CABS1: variants seen among roughly 807,000 people sequenced by gnomAD.
CABS1 encodes the protein calcium binding protein, spermatid associated 1.
For missense variants in CABS1, 500 were observed against 464.3 expected (o/e 1.08, Z -0.71); for synonymous variants, 195 against 169.0 (o/e 1.15, Z -1.19).
rs1042426905 is a variant in CABS1, at chr4:70,336,178, C to G, written c.1139C>G (p.Thr380Arg). The change falls in exon 1 of 2, where the codon ACG becomes AGG. Residue 380 changes from threonine to arginine, a missense_variant. Transcript: ENST00000273936. ...AAGGAAGACACCTCCACAACTGAAACGGATATCTTTGAACTACTGAAAGAA... is the reference window on the plus strand; with the variant it reads ...AAGGAAGACACCTCCACAACTGAAAGGGATATCTTTGAACTACTGAAAGAA... ...DYKEDTSTTETDIFELLKEEP... is the reference protein window; with the variant it reads ...DYKEDTSTTERDIFELLKEEP... 1 of 1,612,510 alleles carries G rather than the reference C, an allele frequency of 6.2e-7. No homozygotes were observed. The highest frequency in any genetic ancestry group is 1.7e-5 in the Admixed American group (1 of 59,828).
Position 70,335,899 on chromosome 4 carries a change from C to T in CABS1, c.860C>T (p.Thr287Ile), listed in dbSNP as rs1241537379. 3 of 1,613,506 alleles carry T rather than the reference C, an allele frequency of 1.9e-6. No homozygotes were observed. Among genetic ancestry groups the T allele is most frequent in the South Asian group, 2.2e-5 (2 of 91,076 alleles). ...GATAAACGGGAAGATACTCTGCTAA[C>T]TGATGAAGAAACTACCGAGGGAGCC... Reference protein sequence around the residue: ...DKDKREDTLLTDEETTEGASI... With the variant: ...DKDKREDTLLIDEETTEGASI... Residue 287 changes from threonine (T) to isoleucine (I), a missense_variant, in exon 1 of 2, where the codon ACT becomes ATT. Physicochemically the swap from Thr to Ile is moderately conservative, Grantham distance 89. Coordinates refer to ENST00000273936, the MANE Select transcript of CABS1 (RefSeq NM_033122.4).
At chr4:70,336,509 A>G (rs868566594) in intron 1 of CABS1, among the ~76,000 whole-genome samples, 163 bp downstream of exon 1, 20 of 151,974 alleles carry the variant, frequency 1.3e-4, no homozygotes, top group African/African-American at 4.8e-4. Context: ...CCTAGCCTTC[A>G]GGGAGTATGA....
chr4:70,335,588 G>A lies in CABS1; in HGVS notation c.549G>A (p.Lys183=). ...ACGCTCCTGCCTTTCCACGTAAAAA[G>A]GATGAAGCTGATATGAGCAATTATA... ...VADAPAFPRK[K]DEADMSNYNS... Residue 183 remains lysine (K), a synonymous_variant, in exon 1 of 2, where the codon AAG becomes AAA. Coordinates refer to ENST00000273936, the MANE Select transcript of CABS1 (RefSeq NM_033122.4). The A allele has an allele frequency of 6.2e-7, 1 of 1,613,596 alleles. No homozygotes were observed. The highest frequency in any genetic ancestry group is 8.5e-7 in the Non-Finnish European group (1 of 1,179,754).
At position 70,335,471 on chromosome 4, in the gene CABS1, C is replaced by A. The variant is rs147094094; in HGVS notation, c.432C>A (p.Ile144=). ...DFSTDIAKED[I]LLATIDTGDA... ...CCACTGACATAGCAAAAGAAGATATCCTCTTAGCTACCATTGACACAGGAG... is the reference window on the plus strand; with the variant it reads ...CCACTGACATAGCAAAAGAAGATATACTCTTAGCTACCATTGACACAGGAG... The change falls in exon 1 of 2, where the codon ATC becomes ATA. Residue 144 remains isoleucine (I), a synonymous_variant. Coordinates refer to ENST00000273936, the MANE Select transcript of CABS1 (RefSeq NM_033122.4). The A allele has an allele frequency of 2.9e-4, 471 of 1,613,516 alleles. No individual in the cohort carries two copies. Among genetic ancestry groups the A allele is most frequent in the Non-Finnish European group, 3.8e-4 (446 of 1,179,756 alleles).
rs749516340 is a variant in CABS1, at chr4:70,335,155, C to A, written c.116C>A (p.Thr39Lys). The A allele has an allele frequency of 9.3e-6, 15 of 1,613,684 alleles. No homozygotes were observed. In the African/African-American group the frequency reaches 1.7e-4, roughly 19 times the overall value. Reference sequence around the variant, plus strand: ...GACAATGCTATTCCCAAATCAGAAACAACTATTACTTCAGAAGGAGACCAC... The same window carrying A: ...GACAATGCTATTCCCAAATCAGAAAAAACTATTACTTCAGAAGGAGACCAC... The part of the protein sequence containing the change: ...GADNAIPKSE[T>K]TITSEGDHVT... The change falls in exon 1 of 2, where the codon ACA (threonine) becomes AAA (lysine). Residue 39 changes from threonine to lysine, a missense_variant. Transcript: ENST00000273936.
In CABS1 at chr4:70,335,342, C is replaced by A. The variant is rs1458697286; in HGVS notation, c.303C>A (p.Gly101=). The A allele has an allele frequency of 6.2e-7, 1 of 1,613,734 alleles. No individual in the cohort carries two copies. Among genetic ancestry groups the A allele is most frequent in the Non-Finnish European group, 8.5e-7 (1 of 1,179,886 alleles). Residue 101 remains glycine (G), a synonymous_variant, in exon 1 of 2, where the codon GGC becomes GGA. Coordinates refer to ENST00000273936, the MANE Select transcript of CABS1 (RefSeq NM_033122.4). ...AGAAAGAAATTACCTCTCTGACTGG[C>A]ACTACAAACTCCATAACAAGAGACT... ...HLQKEITSLT[G]TTNSITRDSI...
Position 70,335,080 on chromosome 4 carries a change from CA to C in CABS1, c.43del (p.Thr15GlnfsTer37), listed in dbSNP as rs1398007506. The C allele has an allele frequency of 3.1e-6, 5 of 1,613,266 alleles. No homozygotes were observed. The highest frequency in any genetic ancestry group is 1.6e-4 in the Middle Eastern group (1 of 6,074). The stretch of plus-strand genomic sequence containing the variant: ...TTGCCCAAAATTTATTCTCATCCTC[CA>C]ACAGAAAGCAGTAAAACACCAACTG... ...DGLPKIYSHP[P>X]TESSKTPTAA... On this transcript the variant is annotated frameshift_variant, in exon 1 of 2. Coordinates refer to ENST00000273936, the MANE Select transcript of CABS1 (RefSeq NM_033122.4). LOFTEE classifies it low-confidence loss of function (END_TRUNC).
intron 1 of CABS1, 78 bp downstream of exon 1, chr4:70,336,424 A>C: frequency 3.0e-6 from 2 of 677,924 alleles, no homozygotes; most frequent in Non-Finnish European, 2.2e-6. Context: ...TAGAAAAAAA[A>C]ACCGCAGTGT....
chr4:70,336,799 C>T (rs1465661227), intron 1 of CABS1, among the ~76,000 whole-genome samples, 167 bp from the exon 2 acceptor site: 1 of 149,666 alleles, frequency 6.7e-6, no homozygotes, highest in Non-Finnish European at 1.5e-5. Flanking sequence ...ATGTAAGATA[C>T]ATAAGATTTA....
rs1731717857 is a variant in CABS1 at position 70,335,936 on chromosome 4, GGAGA to G, written c.902_905del (p.Arg301IlefsTer28). 1.2e-6 allele frequency: 2 copies of G among 1,613,442 alleles called. No homozygotes were observed. The highest frequency in any genetic ancestry group is 1.3e-5 in the African/African-American group (1 of 74,868). On this transcript the variant is annotated frameshift_variant, in exon 1 of 2. Transcript: ENST00000273936. LOFTEE classifies it low-confidence loss of function (END_TRUNC). The stretch of plus-strand genomic sequence containing the variant: ...CTACCGAGGGAGCCAGTATTTGGAT[GGAGA>G]GAGATACTGCAAATGAAGCAGAGAC...
At position 70,335,667 on chromosome 4, in the gene CABS1, T is replaced by C. The variant is rs1731708071; in HGVS notation, c.628T>C (p.Ser210Pro). The part of the protein sequence containing the change: ...PADEAVQVTD[S>P]TIPEAEIPPA... ...TGATGAGGCTGTCCAGGTCACTGAT[T>C]CCACTATTCCTGAGGCTGAAATCCC... Residue 210 changes from serine to proline, a missense_variant, in exon 1 of 2, where the codon TCC (serine) becomes CCC (proline). By Grantham distance (74) the Ser-to-Pro change is moderately conservative. Coordinates refer to ENST00000273936, the MANE Select transcript of CABS1 (RefSeq NM_033122.4). The C allele has an allele frequency of 1.2e-6, 2 of 1,613,470 alleles. No individual in the cohort carries two copies. The highest frequency in any genetic ancestry group is 2.7e-5 in the African/African-American group (2 of 74,864).
At position 70,336,121 on chromosome 4, in the gene CABS1, G is replaced by A; in HGVS notation, c.1082G>A (p.Gly361Glu). 6.2e-7 allele frequency: 1 copy of A among 1,613,054 alleles called. No homozygotes were observed. The highest frequency in any genetic ancestry group is 8.5e-7 in the Non-Finnish European group (1 of 1,179,458). ...TVPKITEPFS[G>E]TTSVLDTPDY... ...CCTAAGATCACTGAGCCATTTTCTG[G>A]AACTACCTCTGTATTAGATACCCCA... The change falls in exon 1 of 2, where the codon GGA becomes GAA. Residue 361 changes from glycine to glutamate, a missense_variant. Physicochemically the swap from Gly to Glu is moderately conservative, Grantham distance 98. Transcript: ENST00000273936.
chr4:70,335,774 T>A lies in CABS1; in HGVS notation c.735T>A (p.Ser245Arg). 1 of 1,613,578 alleles carries A rather than the reference T, an allele frequency of 6.2e-7. No individual in the cohort carries two copies. Among genetic ancestry groups the A allele is most frequent in the Non-Finnish European group, 8.5e-7 (1 of 1,179,712 alleles). ...AGAAAATAACCGAAATTGACCTAAG[T>A]GTTTTAGAAGATGACACCAGTGCTG... ...EEEKITEIDL[S>R]VLEDDTSAVA... Residue 245 changes from serine (S) to arginine (R), a missense_variant, in exon 1 of 2, where the codon AGT becomes AGA. Coordinates refer to ENST00000273936, the MANE Select transcript of CABS1 (RefSeq NM_033122.4).
Position 70,336,333 on chromosome 4 carries a change from T to G in CABS1, c.*106T>G. ...GCAAAAACCTTTAGAAATGAAAGAA[T>G]GTGGGCATTTAAGGCAAGTATTCGA... is the stretch of plus-strand genomic sequence containing the variant. On this transcript the variant is annotated 3_prime_UTR_variant, in exon 1 of 2. Coordinates refer to ENST00000273936, the MANE Select transcript of CABS1 (RefSeq NM_033122.4). The G allele has an allele frequency of 2.1e-6, 3 of 1,413,720 alleles. No individual in the cohort carries two copies. The highest frequency in any genetic ancestry group is 1.9e-6 in the Non-Finnish European group (2 of 1,070,926). 87.6% of individuals were successfully genotyped at this position (1,413,720 alleles called of 1,614,324 possible). A position where few individuals can be genotyped will look rare whatever the true frequency, so the allele number is the denominator to read the frequency against.
Position 70,336,096 on chromosome 4 carries a change from C to T in CABS1, c.1057C>T (p.Pro353Ser). 6.2e-7 allele frequency: 1 copy of T among 1,613,122 alleles called. No individual in the cohort carries two copies. Among genetic ancestry groups the T allele is most frequent in the Non-Finnish European group, 8.5e-7 (1 of 1,179,482 alleles). Residue 353 changes from proline (P) to serine (S), a missense_variant, in exon 1 of 2, where the codon CCT (proline) becomes TCT (serine). Transcript: ENST00000273936. ...LSETDNTETV[P>S]KITEPFSGTT... ...TGAAACTGATAATACAGAGACTGTA[C>T]CTAAGATCACTGAGCCATTTTCTGG...
chr4:70,336,737 T>G (rs958121877), intron 1 of CABS1, among the ~76,000 whole-genome samples: 4 of 152,058 alleles, frequency 2.6e-5, no homozygotes, highest in Non-Finnish European at 5.9e-5. Context: ...TTTAAAAAAT[T>G]TTTAATCCTC....
rs1450644788 is a variant in CABS1 at position 70,335,455 on chromosome 4, T to C, written c.416T>C (p.Ile139Thr). 3 of 1,613,562 alleles carry C rather than the reference T, an allele frequency of 1.9e-6. No individual in the cohort carries two copies. The highest frequency in any genetic ancestry group is 4.5e-5 in the East Asian group (2 of 44,854). Residue 139 changes from isoleucine (I) to threonine (T), a missense_variant, in exon 1 of 2, where the codon ATA (isoleucine) becomes ACA (threonine). Transcript: ENST00000273936. The stretch of plus-strand genomic sequence containing the variant: ...TCTTTAATAGATTTTTCCACTGACA[T>C]AGCAAAAGAAGATATCCTCTTAGCT... ...TVSLIDFSTDIAKEDILLATI... is the reference protein window; with the variant it reads ...TVSLIDFSTDTAKEDILLATI...
Position 70,336,154 on chromosome 4 carries a change from A to C in CABS1, c.1115A>C (p.Lys372Thr). 1 of 1,613,244 alleles carries C rather than the reference A, an allele frequency of 6.2e-7. No individual in the cohort carries two copies. The highest frequency in any genetic ancestry group is 8.5e-7 in the Non-Finnish European group (1 of 1,179,454). Residue 372 changes from lysine (K) to threonine (T), a missense_variant, in exon 1 of 2, where the codon AAG becomes ACG. Coordinates refer to ENST00000273936, the MANE Select transcript of CABS1 (RefSeq NM_033122.4). ...TTSVLDTPDY[K>T]EDTSTTETDI... ...TCTGTATTAGATACCCCAGACTATA[A>C]GGAAGACACCTCCACAACTGAAACG... is the stretch of plus-strand genomic sequence containing the variant.
chr4:70,335,745 G>A lies in CABS1; in HGVS notation c.706G>A (p.Glu236Lys). 6.2e-7 allele frequency: 1 copy of A among 1,613,596 alleles called. No homozygotes were observed. The highest frequency in any genetic ancestry group is 1.1e-5 in the South Asian group (1 of 91,084). ...TTIPDITALEEEKITEIDLSV... is the reference protein window; with the variant it reads ...TTIPDITALEKEKITEIDLSV... ...TATTCCAGACATAACTGCCCTTGAA[G>A]AAGAGAAAATAACCGAAATTGACCT... Residue 236 changes from glutamate (E) to lysine (K), a missense_variant, in exon 1 of 2, where the codon GAA becomes AAA. By Grantham distance (56) the Glu-to-Lys change is moderately conservative (BLOSUM62 1). Transcript: ENST00000273936.
Sources: allele counts gnomAD v4.1 joint callset (sites outside exome capture counted in the v4.1 genomes callset), GRCh38; gene constraint gnomAD v4.1.1; transcripts MANE v1.5; gene names NCBI Gene and HGNC (gene_info 2026-07-23, HGNC 2026-07-21).